Variants in GRIA4 observed in about 807,000 individuals in gnomAD.
GRIA4 encodes glutamate ionotropic receptor AMPA type subunit 4.
GRIA4 carries 34 observed loss-of-function variants against 104.0 expected under a neutral mutation model. The observed-to-expected ratio is 0.33, with a 90% CI of 0.25 to 0.44. GRIA4 has a LOEUF of 0.44. Ranked by LOEUF, GRIA4 falls within the 20% of genes least tolerant of loss-of-function variation. GRIA4 has a pLI of 1.00. For synonymous variants in GRIA4, 386 were observed against 381.9 expected (o/e 1.01, Z -0.13); for missense variants, 750 against 1,096.5 (o/e 0.68, Z 4.46).
intron 4 of GRIA4, among the ~76,000 whole-genome samples, chr11:105,858,272 T>A (rs1431789883): frequency 6.6e-6 from 1 of 152,316 alleles, no homozygotes; most frequent in South Asian, 2.1e-4. Flanking sequence ...AGTTTACCTA[T>A]CGGTTTTCCT....
intron 15 of GRIA4, 107 bp downstream of exon 15, chr11:105,972,135 C>T (rs1198025437): frequency 6.6e-6 from 4 of 606,482 alleles, no homozygotes; most frequent in South Asian, 2.2e-5. Flanking sequence ...ATACACTCAA[C>T]CACTGCCTAA....
chr11:105,765,672 GCC>G (rs1372687207), intron 4 of GRIA4, among the ~76,000 whole-genome samples: 1 of 152,154 alleles, frequency 6.6e-6, no homozygotes, highest in Non-Finnish European at 1.5e-5. Flanking sequence ...GACCAAATCT[GCC>G]CAACAGCCTT....
At chr11:105,808,259 T>C (rs886727678) in intron 4 of GRIA4, among the ~76,000 whole-genome samples, 11 of 152,006 alleles carry the variant, frequency 7.2e-5, no homozygotes, top group Non-Finnish European at 1.5e-4. Flanking sequence ...CTGGTTGAAA[T>C]AAATTAAAAT....
intron 14 of GRIA4, among the ~76,000 whole-genome samples, chr11:105,938,250 C>G (rs369525865): frequency 7.9e-5 from 12 of 152,262 alleles, no homozygotes; most frequent in African/African-American, 2.9e-4. Context: ...GGGATATATA[C>G]TTTAGTTCAG....
At chr11:105,745,231 T>C (rs2135669629) in intron 3 of GRIA4, among the ~76,000 whole-genome samples, 2 of 152,314 alleles carry the variant, frequency 1.3e-5, no homozygotes, top group South Asian at 4.1e-4. Flanking sequence ...TTTATAAAGT[T>C]CTTTATGAAA....
At chr11:105,979,503 GAACA>G in intron 16 of GRIA4, 68 bp from the exon 17 acceptor site, 1 of 1,312,106 alleles carries the variant, frequency 7.6e-7, no homozygotes, top group Non-Finnish European at 1.1e-6. Context: ...GTTTGTTGTG[GAACA>G]TATTGTTGAA....
intron 3 of GRIA4, among the ~76,000 whole-genome samples, chr11:105,644,719 T>C (rs1008620116): frequency 6.6e-6 from 1 of 152,148 alleles, no homozygotes; most frequent in Non-Finnish European, 1.5e-5. Flanking sequence ...TAAGGGCACA[T>C]TGGCATAAGA....
intron 2 of GRIA4, among the ~76,000 whole-genome samples, 153 bp downstream of exon 2, chr11:105,611,238 G>A (rs1046772554): frequency 6.6e-6 from 1 of 151,934 alleles, no homozygotes; most frequent in Admixed American, 6.6e-5. Flanking sequence ...TTTGCAAAAA[G>A]ACTTCCTCTT....
intron 4 of GRIA4, among the ~76,000 whole-genome samples, chr11:105,794,234 T>C (rs1276200321): frequency 6.6e-6 from 1 of 151,444 alleles, no homozygotes; most frequent in African/African-American, 2.4e-5. Context: ...CACTTATTGA[T>C]CTTAGAAGAA....
At chr11:105,617,185 G>T (rs1950621866) in intron 3 of GRIA4, among the ~76,000 whole-genome samples, 1 of 149,108 alleles carries the variant, frequency 6.7e-6, no homozygotes, top group East Asian at 2.0e-4. Context: ...TAAAATGAAG[G>T]ATAAATAATA....
chr11:105,712,081 T>G (rs941981523), intron 3 of GRIA4, among the ~76,000 whole-genome samples: 20 of 152,120 alleles, frequency 1.3e-4, no homozygotes, highest in Non-Finnish European at 2.8e-4. Context: ...TGTATTTATG[T>G]ATGTTAAAGG....
chr11:105,900,849 C>T (rs1455473150), intron 7 of GRIA4, among the ~76,000 whole-genome samples: 1 of 152,114 alleles, frequency 6.6e-6, no homozygotes, highest in Admixed American at 6.5e-5. Flanking sequence ...AAGTGCTGGC[C>T]TTACAGGCAT....
intron 3 of GRIA4, among the ~76,000 whole-genome samples, chr11:105,743,190 A>T (rs1351418542): frequency 2.6e-5 from 4 of 152,182 alleles, no homozygotes; most frequent in African/African-American, 9.7e-5. Flanking sequence ...CAAAAATAGA[A>T]GTACAGGCAC....
intron 4 of GRIA4, among the ~76,000 whole-genome samples, chr11:105,769,520 G>A (rs1206485583): frequency 6.6e-6 from 1 of 152,026 alleles, no homozygotes; most frequent in Non-Finnish European, 1.5e-5. Flanking sequence ...AGGGAGAATG[G>A]GGCTGACAAG....
At chr11:105,747,534 G>A (rs1404587108) in intron 3 of GRIA4, among the ~76,000 whole-genome samples, 1 of 152,044 alleles carries the variant, frequency 6.6e-6, no homozygotes, top group Non-Finnish European at 1.5e-5. Context: ...TTATTCAGAT[G>A]GAGTATGGAG....
At chr11:105,875,659 G>C (rs1311900082) in intron 5 of GRIA4, among the ~76,000 whole-genome samples, 1 of 152,042 alleles carries the variant, frequency 6.6e-6, no homozygotes, top group East Asian at 1.9e-4. Flanking sequence ...TATGTGTCCA[G>C]GAATTTATCC....
At chr11:105,794,591 A>G (rs1223346513) in intron 4 of GRIA4, among the ~76,000 whole-genome samples, 3 of 141,720 alleles carry the variant, frequency 2.1e-5, no homozygotes, top group Non-Finnish European at 3.1e-5. Flanking sequence ...TATCTCTCTC[A>G]TAAGATATAT....
In GRIA4 at chr11:105,897,687, TTC is replaced by T. The variant is rs148161985; in HGVS notation, c.727-580_727-579del. ...AGGATCGTAAGGTTTTTGTTTTTAA[TTC>T]TTTTTATTTGGTGAATCACATTTAT... On this transcript the variant is annotated intron_variant, in intron 6 of 16. Coordinates refer to ENST00000282499, the MANE Select transcript of GRIA4 (RefSeq NM_000829.4). Among the ~76,000 whole-genome samples, 814 of 152,308 alleles carry T rather than the reference TTC, an allele frequency of 5.3e-3. 8 individuals carry two copies. The highest frequency in any genetic ancestry group is 0.018 in the African/African-American group (752 of 41,584).
chr11:105,757,103 C>T (rs145011179), intron 4 of GRIA4, among the ~76,000 whole-genome samples: 2 of 152,298 alleles, frequency 1.3e-5, no homozygotes, highest in Non-Finnish European at 2.9e-5. Context: ...TTCAGAGCAT[C>T]TCCTTTGGAG....
Sources: gnomAD v4.1 joint callset for allele counts (sites outside exome capture counted in the v4.1 genomes callset) on GRCh38, gnomAD v4.1.1 for gene constraint, MANE v1.5 for transcripts, NCBI Gene and HGNC (gene_info 2026-07-23, HGNC 2026-07-21) for gene names.